The following RSRC1 variants were observed in gnomAD, a reference collection of about 807,000 sequenced individuals.
RSRC1 encodes the protein arginine and serine rich coiled-coil 1.
Under a neutral mutation model 49.1 loss-of-function variants are expected in RSRC1, and 39 were observed. That is an observed-to-expected ratio of 0.79 (90% confidence interval 0.61 to 1.04). RSRC1 has a LOEUF of 1.04. Among genes scored for constraint, RSRC1 ranks in the 50% least tolerant of loss-of-function variants. RSRC1 has a pLI of 0.00. For missense variants in RSRC1, 388 were observed against 402.4 expected (o/e 0.96, Z 0.31); for synonymous variants, 143 against 130.8 (o/e 1.09, Z -0.63).
intron 6 of RSRC1, among the ~76,000 whole-genome samples, chr3:158,384,378 A>C (rs1432033684): frequency 6.6e-6 from 1 of 152,184 alleles, no homozygotes; most frequent in African/African-American, 2.4e-5. Flanking sequence ...TAAGCTAACT[A>C]ACTATAGATT....
rs565386628 is a variant in RSRC1 at position 158,471,982 on chromosome 3, CAG to C, written c.652+10983_652+10984del. 1.4e-3 allele frequency among the ~76,000 whole-genome samples: 212 copies of C among 152,042 alleles called. 1 individual carries two copies. Among genetic ancestry groups the C allele is most frequent in the African/African-American group, 4.9e-3 (204 of 41,486 alleles). Reference sequence around the variant, plus strand: ...AACGACAAAAAATACTTTATGTAAACAGAGAATAAGTCACTCTGCAAACAATT... The same window carrying C: ...AACGACAAAAAATACTTTATGTAAACAGAATAAGTCACTCTGCAAACAATT... On this transcript the variant is annotated intron_variant, in intron 7 of 9. Transcript: ENST00000611884.
chr3:158,324,978 G>A (rs935984663), intron 5 of RSRC1, among the ~76,000 whole-genome samples: 1 of 152,162 alleles, frequency 6.6e-6, no homozygotes, highest in African/African-American at 2.4e-5. Context: ...TTCTCTGATG[G>A]CCAGTGATGA....
chr3:158,314,650 G>A (rs1490907343), intron 5 of RSRC1, among the ~76,000 whole-genome samples: 1 of 152,066 alleles, frequency 6.6e-6, no homozygotes, highest in Non-Finnish European at 1.5e-5. Flanking sequence ...AAAATATTAG[G>A]AAACCTTGCT....
intron 4 of RSRC1, among the ~76,000 whole-genome samples, chr3:158,238,437 G>A (rs564679527): frequency 2.3e-4 from 35 of 152,244 alleles, no homozygotes; most frequent in Non-Finnish European, 3.8e-4. Context: ...GAACAAAGCT[G>A]GAGGCATCAT....
chr3:158,516,727 G>A (rs370862766), intron 7 of RSRC1, among the ~76,000 whole-genome samples: 17 of 152,340 alleles, frequency 1.1e-4, no homozygotes, highest in Admixed American at 7.2e-4. Context: ...ATCTCAGACT[G>A]CTGTGCTAGC....
At chr3:158,322,010 C>G (rs1461455315) in intron 5 of RSRC1, among the ~76,000 whole-genome samples, 1 of 149,500 alleles carries the variant, frequency 6.7e-6, no homozygotes, top group Admixed American at 6.7e-5. Context: ...CACACACAGT[C>G]TTTTATATGT....
chr3:158,464,198 A>G (rs1216966682), intron 7 of RSRC1, among the ~76,000 whole-genome samples: 2 of 151,858 alleles, frequency 1.3e-5, no homozygotes, highest in Non-Finnish European at 2.9e-5. Context: ...TTTAACTTCT[A>G]TTTCTCTCTA....
At chr3:158,306,594 A>G (rs1423776746) in intron 5 of RSRC1, among the ~76,000 whole-genome samples, 2 of 151,956 alleles carry the variant, frequency 1.3e-5, no homozygotes, top group Non-Finnish European at 2.9e-5. Flanking sequence ...ACAGGAAAGA[A>G]TGGGTTACTT....
intron 3 of RSRC1, among the ~76,000 whole-genome samples, chr3:158,192,066 T>TC (rs1246464695): frequency 6.6e-6 from 1 of 152,198 alleles, no homozygotes; most frequent in East Asian, 1.9e-4. Context: ...ACTATTTTTT[T>TC]CACACGTATT....
chr3:158,433,870 T>G (rs1735904134), intron 6 of RSRC1, among the ~76,000 whole-genome samples: 1 of 152,030 alleles, frequency 6.6e-6, no homozygotes, highest in Non-Finnish European at 1.5e-5. Flanking sequence ...TTATTCAAAT[T>G]TTAATCTTTG....
chr3:158,117,695 T>C (rs1714933194), intron 1 of RSRC1, among the ~76,000 whole-genome samples: 1 of 152,224 alleles, frequency 6.6e-6, no homozygotes, highest in Non-Finnish European at 1.5e-5. Flanking sequence ...GGTGGGATTA[T>C]ACCTCACTAG....
chr3:158,288,930 T>A (rs1226874915), intron 4 of RSRC1, among the ~76,000 whole-genome samples: 1 of 147,692 alleles, frequency 6.8e-6, no homozygotes, highest in African/African-American at 2.5e-5. Context: ...AGCCTTGGTT[T>A]GACAACACAG....
rs1386441866 is a variant in RSRC1 at position 158,545,188 on chromosome 3, A to ATTTTTTTTTTTTTTTTTTTTT, written c.*917_*918insTTTTTTTTTTTTTTTTTTTTT. 1.7e-5 allele frequency: 1 copy of ATTTTTTTTTTTTTTTTTTTTT among 58,792 alleles called. No homozygotes were observed. Among genetic ancestry groups the ATTTTTTTTTTTTTTTTTTTTT allele is most frequent in the Non-Finnish European group, 3.7e-5 (1 of 27,082 alleles). 3.6% of individuals were successfully genotyped at this position (58,792 alleles called of 1,614,324 possible). On this transcript the variant is annotated 3_prime_UTR_variant, in exon 10 of 10. Transcript: ENST00000611884. ...GCTGACATGAATATTTCCCGTTTCT[A>ATTTTTTTTTTTTTTTTTTTTT]TTTTCTTTTTTTTTTTTTTTTTTTT...
At chr3:158,192,224 T>A (rs1720289292) in intron 3 of RSRC1, among the ~76,000 whole-genome samples, 1 of 151,710 alleles carries the variant, frequency 6.6e-6, no homozygotes, top group African/African-American at 2.4e-5. Flanking sequence ...TACTGTGATG[T>A]TTTAAAACTT....
intron 6 of RSRC1, among the ~76,000 whole-genome samples, chr3:158,418,240 A>C (rs1734852243): frequency 6.6e-6 from 1 of 152,002 alleles, no homozygotes; most frequent in African/African-American, 2.4e-5. Context: ...TCCATCAATA[A>C]AAGCCAAGGA....
intron 4 of RSRC1, among the ~76,000 whole-genome samples, chr3:158,283,198 A>G (rs1210642819): frequency 2.0e-5 from 3 of 152,220 alleles, no homozygotes; most frequent in Admixed American, 2.0e-4. Flanking sequence ...AATCATGTAC[A>G]TAAATAATTT....
chr3:158,333,733 A>C (rs908952619), intron 5 of RSRC1, among the ~76,000 whole-genome samples: 1 of 152,248 alleles, frequency 6.6e-6, no homozygotes, highest in East Asian at 1.9e-4. Flanking sequence ...ATAAAAACAC[A>C]GAAGGTTTTG....
intron 3 of RSRC1, among the ~76,000 whole-genome samples, chr3:158,194,712 G>T (rs1720466231): frequency 7.3e-6 from 1 of 137,152 alleles, no homozygotes; most frequent in Non-Finnish European, 1.5e-5. Flanking sequence ...TGTTCTCATT[G>T]TTCAATTCCC....
At chr3:158,279,339 A>G (rs1431419694) in intron 4 of RSRC1, among the ~76,000 whole-genome samples, 1 of 152,230 alleles carries the variant, frequency 6.6e-6, no homozygotes, top group Non-Finnish European at 1.5e-5. Flanking sequence ...AAACCTTTAT[A>G]TAGTGACACT....
Sources: gnomAD v4.1 joint callset for allele counts (sites outside exome capture counted in the v4.1 genomes callset) on GRCh38, gnomAD v4.1.1 for gene constraint, MANE v1.5 for transcripts, NCBI Gene and HGNC (gene_info 2026-07-23, HGNC 2026-07-21) for gene names.